TRERF1: variants seen among roughly 807,000 people sequenced by gnomAD.
TRERF1 encodes the protein transcriptional-regulating factor 1.
TRERF1 carries 27 observed loss-of-function variants against 122.9 expected under a neutral mutation model. The ratio of observed to expected loss-of-function variants is 0.22; its 90% CI spans 0.16 to 0.30. TRERF1 has a LOEUF of 0.30. Among genes scored for constraint, TRERF1 ranks in the 10% least tolerant of loss-of-function variants. The pLI, the probability that TRERF1 is intolerant of heterozygous loss-of-function variation, is 1.00. For missense variants in TRERF1, 1,248 were observed against 1,560.3 expected, an observed-to-expected ratio of 0.80 and a Z score of 3.37; for synonymous variants, 636 against 641.7, an observed-to-expected ratio of 0.99 and a Z score of 0.13.
chr6:42,438,347 C>A (rs1160282161), intron 2 of TRERF1, among the ~76,000 whole-genome samples: 1 of 151,634 alleles, frequency 6.6e-6, no homozygotes, highest in Non-Finnish European at 1.5e-5. Flanking sequence ...CGGTGGCTCA[C>A]GCCTGTAATC....
At chr6:42,409,056 A>C (rs1015508878) in intron 2 of TRERF1, among the ~76,000 whole-genome samples, 5 of 152,096 alleles carry the variant, frequency 3.3e-5, no homozygotes, top group Non-Finnish European at 7.4e-5. Context: ...GGGAGGCTGA[A>C]GCAGGAAGAT....
At chr6:42,243,061 T>C (rs1234482646) in intron 15 of TRERF1, among the ~76,000 whole-genome samples, 187 bp downstream of exon 15, 3 of 152,178 alleles carry the variant, frequency 2.0e-5, no homozygotes, top group Non-Finnish European at 4.4e-5. Flanking sequence ...GCCAAACCTA[T>C]GGACTTCTTT....
chr6:42,283,410 T>C (rs1782630717), intron 4 of TRERF1, among the ~76,000 whole-genome samples: 1 of 152,144 alleles, frequency 6.6e-6, no homozygotes. Context: ...ATAATTGATA[T>C]ATATTCATAA....
At chr6:42,387,237 T>C (rs1326112323) in intron 2 of TRERF1, among the ~76,000 whole-genome samples, 1 of 152,248 alleles carries the variant, frequency 6.6e-6, no homozygotes, top group Non-Finnish European at 1.5e-5. Flanking sequence ...TCCTTTTCAC[T>C]GCCTTTTCTC....
At chr6:42,273,481 T>TA (rs1780608872) in intron 4 of TRERF1, among the ~76,000 whole-genome samples, 1 of 152,184 alleles carries the variant, frequency 6.6e-6, no homozygotes, top group Non-Finnish European at 1.5e-5. Context: ...AAGAAGTTCT[T>TA]ACGTTCTCAT....
At chr6:42,440,179 A>G (rs1421315720) in intron 2 of TRERF1, among the ~76,000 whole-genome samples, 1 of 152,164 alleles carries the variant, frequency 6.6e-6, no homozygotes, top group African/African-American at 2.4e-5. Flanking sequence ...AAACATCCTG[A>G]GCACTCTACC....
intron 2 of TRERF1, among the ~76,000 whole-genome samples, chr6:42,429,654 C>G (rs950912562): frequency 6.6e-6 from 1 of 152,132 alleles, no homozygotes; most frequent in Non-Finnish European, 1.5e-5. Context: ...GGGGCCCTCC[C>G]GAGCCCCCAA....
At chr6:42,418,268 T>TTCTTTC (rs1468127177) in intron 2 of TRERF1, among the ~76,000 whole-genome samples, 90 of 121,590 alleles carry the variant, frequency 7.4e-4, no homozygotes, top group African/African-American at 2.3e-3. Context: ...CTTTCTTTCT[T>TTCTTTC]TTTTTTTTTT....
chr6:42,278,603 C>T (rs1781719881), intron 4 of TRERF1, among the ~76,000 whole-genome samples: 1 of 152,130 alleles, frequency 6.6e-6, no homozygotes, highest in African/African-American at 2.4e-5. Flanking sequence ...TGCCTGGCTC[C>T]CCAGGAAGCT....
At chr6:42,396,992 G>A (rs950324991) in intron 2 of TRERF1, among the ~76,000 whole-genome samples, 2 of 152,170 alleles carry the variant, frequency 1.3e-5, no homozygotes, top group Admixed American at 6.5e-5. Context: ...CTGCAGAAAT[G>A]ATCTAGGCAT....
At chr6:42,377,884 AG>A (rs1169062886) in intron 2 of TRERF1, among the ~76,000 whole-genome samples, 1 of 152,248 alleles carries the variant, frequency 6.6e-6, no homozygotes, top group African/African-American at 2.4e-5. Context: ...CACTGGCTTT[AG>A]GAACATGCAG....
intron 5 of TRERF1, among the ~76,000 whole-genome samples, chr6:42,267,458 T>A (rs1437187848): frequency 7.2e-5 from 11 of 152,070 alleles, no homozygotes; most frequent in Admixed American, 7.2e-4. Context: ...TGAAACCTTG[T>A]CTCTACTAAA....
At chr6:42,364,252 C>T (rs1772304054) in intron 2 of TRERF1, among the ~76,000 whole-genome samples, 2 of 152,224 alleles carry the variant, frequency 1.3e-5, no homozygotes, top group Admixed American at 6.5e-5. Context: ...GAGCACTCTT[C>T]CCCCAGGCAT....
At chr6:42,368,816 G>A (rs963906584) in intron 2 of TRERF1, among the ~76,000 whole-genome samples, 1 of 152,150 alleles carries the variant, frequency 6.6e-6, no homozygotes, top group Non-Finnish European at 1.5e-5. Flanking sequence ...GGCCTAATGA[G>A]AATTATGGGG....
chr6:42,406,779 C>G (rs921800090), intron 2 of TRERF1, among the ~76,000 whole-genome samples: 4 of 151,962 alleles, frequency 2.6e-5, no homozygotes, highest in African/African-American at 9.7e-5. Flanking sequence ...TCCTCCCCAG[C>G]CTTTGCAGGG....
chr6:42,366,353 G>T (rs959880144), intron 2 of TRERF1, among the ~76,000 whole-genome samples: 2 of 152,234 alleles, frequency 1.3e-5, no homozygotes, highest in African/African-American at 2.4e-5. Context: ...GATTCCAGAA[G>T]TTTTTCAGAA....
chr6:42,240,072 G>A (rs910315684), intron 15 of TRERF1, among the ~76,000 whole-genome samples: 2 of 152,030 alleles, frequency 1.3e-5, no homozygotes, highest in Non-Finnish European at 2.9e-5. Flanking sequence ...ACCCATCTTC[G>A]AAGCCCAGGC....
intron 2 of TRERF1, among the ~76,000 whole-genome samples, chr6:42,402,036 A>T (rs1779461545): frequency 6.6e-6 from 1 of 152,218 alleles, no homozygotes; most frequent in Non-Finnish European, 1.5e-5. Context: ...ATGCAACATA[A>T]ACCTCTAGTC....
At chr6:42,285,455 C>A (rs1312726379) in intron 4 of TRERF1, among the ~76,000 whole-genome samples, 1 of 152,024 alleles carries the variant, frequency 6.6e-6, no homozygotes, top group Non-Finnish European at 1.5e-5. Flanking sequence ...TCCTCTTTTC[C>A]TAATTGAATA....
Sources: gnomAD v4.1 joint callset for allele counts (sites outside exome capture counted in the v4.1 genomes callset) on GRCh38, gnomAD v4.1.1 for gene constraint, MANE v1.5 for transcripts, NCBI Gene and HGNC (gene_info 2026-07-23, HGNC 2026-07-21) for gene names.